Variants in XPO1 observed in about 807,000 individuals in gnomAD.
The protein encoded by XPO1 is exportin 1, also known as exportin-1.
A neutral mutation model predicts 133.3 loss-of-function variants in XPO1; 5 were observed. The ratio of observed to expected loss-of-function variants is 0.04; its 90% CI spans 0.02 to 0.08. XPO1 has a LOEUF of 0.08. Ranked by LOEUF, XPO1 falls within the 10% of genes least tolerant of loss-of-function variation. XPO1 has a pLI of 1.00. For synonymous variants in XPO1, 419 were observed against 408.2 expected (o/e 1.03, Z -0.32); for missense variants, 506 against 1,267.5 (o/e 0.40, Z 9.12).
Position 61,493,887 on chromosome 2 carries a change from C to G in XPO1, c.1245+7G>C, listed in dbSNP as rs768843470. ...CAGGAAGAACACTCAACCAACCGCT[C>G]TGTTACCTTGAATAACATGGGCAAA... is the stretch of plus-strand genomic sequence containing the variant. On this transcript the variant is annotated splice_region_variant and intron_variant, in intron 12 of 24. Coordinates refer to ENST00000401558, the MANE Select transcript of XPO1 (RefSeq NM_003400.4). 9 of 1,613,966 alleles carry G rather than the reference C, an allele frequency of 5.6e-6. No individual in the cohort carries two copies. Among genetic ancestry groups the G allele is most frequent in the Non-Finnish European group, 7.6e-6 (9 of 1,179,912 alleles).
At chr2:61,483,894 T>TA in intron 21 of XPO1, 43 bp downstream of exon 21, 1 of 1,589,216 alleles carries the variant, frequency 6.3e-7, no homozygotes, top group Non-Finnish European at 8.6e-7. Context: ...ATTTGTATTT[T>TA]TGGATTGGCA....
chr2:61,499,038 T>C (rs1360964004), intron 7 of XPO1, 125 bp from the exon 8 acceptor site: 4 of 1,119,538 alleles, frequency 3.6e-6, no homozygotes, highest in South Asian at 3.5e-5. Context: ...TCGCAGAACT[T>C]TGGGAGGCCA....
chr2:61,516,728 T>TA (rs1037402217), intron 4 of XPO1, among the ~76,000 whole-genome samples: 10 of 152,040 alleles, frequency 6.6e-5, no homozygotes, highest in African/African-American at 2.4e-4. Flanking sequence ...AGTAAGTTTT[T>TA]ATCAATCAAT....
chr2:61,502,035 T>C lies in XPO1; in HGVS notation c.369A>G (p.Glu123=), dbSNP rs1387377670. 1.2e-6 allele frequency: 2 copies of C among 1,601,858 alleles called. No individual in the cohort carries two copies. Among genetic ancestry groups the C allele is most frequent in the Non-Finnish European group, 1.7e-6 (2 of 1,173,492 alleles). The part of the protein sequence containing the change: ...TSSDPTCVEK[E]KVYIGKLNMI... ...TATTTAATTTTCCGATATACACCTT[T>C]TCTTTCTAAGGAAAAGTAAAAGATT... The change falls in exon 6 of 25, where the codon GAA becomes GAG. Residue 123 remains glutamate, a synonymous_variant. Coordinates refer to ENST00000401558, the MANE Select transcript of XPO1 (RefSeq NM_003400.4).
chr2:61,513,359 A>G (rs1029957743), intron 4 of XPO1, among the ~76,000 whole-genome samples: 4 of 119,474 alleles, frequency 3.3e-5, no homozygotes, highest in South Asian at 3.0e-4. Context: ...AACGTACAGA[A>G]TATCTTTTTT....
At chr2:61,530,287 T>C (rs1014957100) in intron 2 of XPO1, among the ~76,000 whole-genome samples, 3 of 152,228 alleles carry the variant, frequency 2.0e-5, no homozygotes, top group Admixed American at 2.0e-4. Context: ...AGTTGTAATT[T>C]TACTCTCTGA....
At position 61,484,047 on chromosome 2, in the gene XPO1, T is replaced by A. The variant is rs768499033; in HGVS notation, c.2567A>T (p.Asn856Ile). The change falls in exon 21 of 25, where the codon AAT (asparagine) becomes ATT (isoleucine). Residue 856 changes from asparagine (N) to isoleucine (I), a missense_variant. This residue lies in a region of XPO1 where 203 missense variants were observed against 365.9 expected (regional missense o/e 0.55). Transcript: ENST00000401558. ...TNFFLLLQAV[N>I]SHCFPAFLAI... ...AAGGAATGCTGGGAAACAATGAGAATTGACAGCCTGAAGTAGTAAGAAAAA... is the reference window on the plus strand; with the variant it reads ...AAGGAATGCTGGGAAACAATGAGAAATGACAGCCTGAAGTAGTAAGAAAAA... 3 of 1,613,842 alleles carry A rather than the reference T, an allele frequency of 1.9e-6. No individual in the cohort carries two copies. In the African/African-American group the frequency reaches 4.0e-5, roughly 22 times the overall value.
At chr2:61,488,978 TG>T (rs1452975465) in intron 17 of XPO1, among the ~76,000 whole-genome samples, 1 of 152,084 alleles carries the variant, frequency 6.6e-6, no homozygotes, top group African/African-American at 2.4e-5. Context: ...GGCAGCCGCC[TG>T]TAGTCCCACC....
rs773968968 is a variant in XPO1, at chr2:61,492,512, T to C, written c.1567-31A>G. The C allele has an allele frequency of 5.0e-6, 8 of 1,590,298 alleles. No individual in the cohort carries two copies. The highest frequency in any genetic ancestry group is 6.8e-6 in the Non-Finnish European group (8 of 1,171,486). On this transcript the variant is annotated intron_variant, in intron 14 of 24. Transcript: ENST00000401558. The surrounding 1 kb of genome is among the most constrained non-coding windows in gnomAD (Gnocchi z 5.6). ...AATAAGACAAATTTGTATTATTTAT[T>C]GTAACAACATAATACTTATTTAGCA...
intron 2 of XPO1, among the ~76,000 whole-genome samples, chr2:61,528,225 T>A (rs1698992357): frequency 6.6e-6 from 1 of 152,044 alleles, no homozygotes; most frequent in African/African-American, 2.4e-5. Flanking sequence ...CTTTAAAAAG[T>A]AATGGCTTTC....
Position 61,492,561 on chromosome 2 carries a change from G to A in XPO1, c.1566+6C>T. On this transcript the variant is annotated splice_donor_region_variant and intron_variant, in intron 14 of 24. Coordinates refer to ENST00000401558, the MANE Select transcript of XPO1 (RefSeq NM_003400.4). The surrounding 1 kb of genome is among the most constrained non-coding windows in gnomAD (Gnocchi z 5.6). ...CAATTCTAATTCATACCTATCCCTT[G>A]CATACCTTTATAACAGTAACAAGAA... 6.2e-7 allele frequency: 1 copy of A among 1,608,370 alleles called. No individual in the cohort carries two copies. Among genetic ancestry groups the A allele is most frequent in the Middle Eastern group, 1.7e-4 (1 of 6,022 alleles).
chr2:61,484,142 T>G lies in XPO1; in HGVS notation c.2509-37A>C, dbSNP rs200918133. The G allele has an allele frequency of 3.0e-4, 463 of 1,563,142 alleles. 3 individuals carry two copies. The African/African-American group carries it at 5.7e-3, about 19-fold the overall frequency. Reference sequence around the variant, plus strand: ...TGGTGGAAACAAAATAATGTTTCAGTGTCTTTGTTGTGCTAGACAGGAGGG... The same window carrying G: ...TGGTGGAAACAAAATAATGTTTCAGGGTCTTTGTTGTGCTAGACAGGAGGG... On this transcript the variant is annotated intron_variant, in intron 20 of 24. Transcript: ENST00000401558.
intron 4 of XPO1, among the ~76,000 whole-genome samples, chr2:61,503,253 G>A (rs1027103515): frequency 2.6e-5 from 4 of 151,162 alleles, no homozygotes; most frequent in Admixed American, 6.6e-5. Context: ...TACTGCACCC[G>A]GCCTTTTCTT....
chr2:61,488,169 T>C lies in XPO1; in HGVS notation c.2309A>G (p.Gln770Arg). 1 of 1,613,562 alleles carries C rather than the reference T, an allele frequency of 6.2e-7. No homozygotes were observed. Among genetic ancestry groups the C allele is most frequent in the Admixed American group, 1.7e-5 (1 of 60,010 alleles). The change falls in exon 19 of 25, where the codon CAG becomes CGG. Residue 770 changes from glutamine to arginine, a missense_variant. Transcript: ENST00000401558. Reference protein sequence around the residue: ...SGWVSRSNDPQMVAENFVPPL... With the variant: ...SGWVSRSNDPRMVAENFVPPL... ...AGCAAAGCATCTCTCACTTACCATC[T>C]GTGGATCATTGGATCGGCTCACCCA...
intron 10 of XPO1, 21 bp from the exon 11 acceptor site, chr2:61,495,634 G>C (rs775620754): frequency 8.5e-6 from 13 of 1,537,306 alleles, no homozygotes. Flanking sequence ...TAAAAGGGAC[G>C]ATCAGTTCGC....
At chr2:61,526,625 G>A in intron 2 of XPO1, 104 bp from the exon 3 acceptor site, 1 of 783,474 alleles carries the variant, frequency 1.3e-6, no homozygotes, top group Admixed American at 3.9e-5. Context: ...ATTGGACAGA[G>A]ATTCTATTAT....
chr2:61,529,853 AACCAC>A (rs1233781234), intron 2 of XPO1, among the ~76,000 whole-genome samples: 1 of 152,200 alleles, frequency 6.6e-6, no homozygotes, highest in Admixed American at 6.5e-5. Context: ...AACCCACCAG[AACCAC>A]TGTGGTTGCC....
intron 4 of XPO1, among the ~76,000 whole-genome samples, chr2:61,514,467 C>CCTGTA (rs1698257341): frequency 6.6e-6 from 1 of 151,788 alleles, no homozygotes; most frequent in African/African-American, 2.4e-5. Flanking sequence ...GTGGCACATG[C>CCTGTA]CTGTAGTCTC....
intron 4 of XPO1, among the ~76,000 whole-genome samples, chr2:61,511,046 T>C (rs1191487236): frequency 6.6e-6 from 1 of 151,802 alleles, no homozygotes; most frequent in Non-Finnish European, 1.5e-5. Context: ...ATACTTGGAA[T>C]GGGGCAAATT....
Sources: allele counts gnomAD v4.1 joint callset (sites outside exome capture counted in the v4.1 genomes callset), GRCh38; gene constraint gnomAD v4.1.1; regional missense constraint gnomAD v4.1.1; non-coding constraint Gnocchi (gnomAD v3.1); transcripts MANE v1.5; gene names NCBI Gene and HGNC (gene_info 2026-07-23, HGNC 2026-07-21).